KRT82: variants seen among roughly 807,000 people sequenced by gnomAD.
KRT82 encodes the protein keratin 82.
KRT82 carries 44 observed loss-of-function variants against 48.0 expected under a neutral mutation model. The observed-to-expected ratio is 0.92, with a 90% confidence interval of 0.72 to 1.18. The LOEUF (loss-of-function observed/expected upper bound fraction) is 1.18, where lower values mean the gene tolerates loss of function less well. KRT82 is among the 50% of genes most tolerant of loss of function. KRT82 has a pLI of 0.00. For missense variants in KRT82, 701 were observed against 671.4 expected (o/e 1.04, Z -0.49); for synonymous variants, 297 against 278.3 (o/e 1.07, Z -0.67).
chr12:52,400,650 C>T, intron 3 of KRT82, 28 bp from the exon 4 acceptor site: 1 of 1,545,698 alleles, frequency 6.5e-7, no homozygotes, highest in Non-Finnish European at 8.9e-7. Flanking sequence ...CAGAATGTGA[C>T]CTGGCTGGGC....
intron 4 of KRT82, 58 bp from the exon 5 acceptor site, chr12:52,400,207 A>G: frequency 6.4e-7 from 1 of 1,553,298 alleles, no homozygotes; most frequent in Non-Finnish European, 8.8e-7. Context: ...GGGACAGGAG[A>G]AGGGGAGAAC....
At position 52,396,076 on chromosome 12, in the gene KRT82, A is replaced by C; in HGVS notation, c.1225T>G (p.Ser409Ala). Residue 409 changes from serine to alanine, a missense_variant, in exon 7 of 9, where the codon TCC (serine) becomes GCC (alanine). By Grantham distance (99) the Ser-to-Ala change is moderately conservative. Transcript: ENST00000257974. ...ATCTCGATGTCCAGGCCCAGCTTGG[A>C]GTTCATCACCTCCTGATATTCCTTG... is the stretch of plus-strand genomic sequence containing the variant. Reference protein sequence around the residue: ...LLKEYQEVMNSKLGLDIEIAT... With the variant: ...LLKEYQEVMNAKLGLDIEIAT... The C allele has an allele frequency of 1.2e-6, 2 of 1,614,068 alleles. No homozygotes were observed. Among genetic ancestry groups the C allele is most frequent in the African/African-American group, 2.7e-5 (2 of 74,990 alleles).
chr12:52,406,251 G>T lies in KRT82; in HGVS notation c.27C>A (p.Gly9=). The part of the protein sequence containing the change: MSYHSFQP[G]SRCGSQSFSS... ...TGAAACTCTGACTGCCACACCTGGA[G>T]CCTGGCTGGAAAGAGTGGTACGACA... The change falls in exon 1 of 9, where the codon GGC becomes GGA. Residue 9 remains glycine, a synonymous_variant. Coordinates refer to ENST00000257974, the MANE Select transcript of KRT82 (RefSeq NM_033033.4). 8 of 1,603,928 alleles carry T rather than the reference G, an allele frequency of 5.0e-6. No homozygotes were observed. The highest frequency in any genetic ancestry group is 6.8e-6 in the Non-Finnish European group (8 of 1,173,604).
chr12:52,395,924 G>T, intron 7 of KRT82, 88 bp downstream of exon 7: 1 of 1,567,462 alleles, frequency 6.4e-7, no homozygotes, highest in Non-Finnish European at 8.7e-7. Flanking sequence ...TAGGGGACGG[G>T]GTGAGAGATA....
At chr12:52,395,881 C>A in intron 7 of KRT82, 91 bp from the exon 8 acceptor site, 2 of 1,477,510 alleles carry the variant, frequency 1.4e-6, no homozygotes, top group Non-Finnish European at 9.2e-7. Context: ...CATTGTGGAC[C>A]ATGTGCTGCT....
rs1370011362 is a variant in KRT82, at chr12:52,395,762, T to C, written c.1318A>G (p.Ile440Val). Residue 440 changes from isoleucine to valine, a missense_variant, in exon 8 of 9, where the codon ATC becomes GTC. Ile to Val is a conservative substitution (Grantham distance 29, BLOSUM62 3). Coordinates refer to ENST00000257974, the MANE Select transcript of KRT82 (RefSeq NM_033033.4). ...RLCEGIGPVN[I>V]SVSSSKGAFL... ...GGGGCATGGCTCATCTACTTACAGA[T>C]ATTCACGGGCCCGATGCCTTCGCAC... is the stretch of plus-strand genomic sequence containing the variant. 2 of 1,555,980 alleles carry C rather than the reference T, an allele frequency of 1.3e-6. No individual in the cohort carries two copies. The highest frequency in any genetic ancestry group is 1.7e-6 in the Non-Finnish European group (2 of 1,155,818).
chr12:52,405,975 C>T lies in KRT82; in HGVS notation c.303G>A (p.Leu101=), dbSNP rs201964052. 6.8e-6 allele frequency: 11 copies of T among 1,614,252 alleles called. No individual in the cohort carries two copies. The African/African-American group carries it at 1.1e-4, about 16-fold the overall frequency. Residue 101 remains leucine (L), a synonymous_variant, in exon 1 of 9, where the codon CTG becomes CTA. Transcript: ENST00000257974. ...CITPVTINES[L]LVPLALEIDP... Reference sequence around the variant, plus strand: ...CTATCTCCAGTGCCAGTGGGACCAGCAGGCTCTCATTGATGGTGACAGGGG... The same window carrying T: ...CTATCTCCAGTGCCAGTGGGACCAGTAGGCTCTCATTGATGGTGACAGGGG...
In KRT82 at chr12:52,395,955, G is replaced by T. The variant is rs1939707126; in HGVS notation, c.1289+57C>A. On this transcript the variant is annotated intron_variant, in intron 7 of 8. Transcript: ENST00000257974. ...AGATACTAGCAGCCGCCACCAGAGG[G>T]CTGGGTAATGGCCATACCTGGTAGC... is the stretch of plus-strand genomic sequence containing the variant. 5 of 1,605,140 alleles carry T rather than the reference G, an allele frequency of 3.1e-6. No individual in the cohort carries two copies. In the South Asian group the frequency reaches 4.4e-5, roughly 14 times the overall value.
At chr12:52,404,731 G>A (rs556658121) in intron 1 of KRT82, among the ~76,000 whole-genome samples, 3 of 152,244 alleles carry the variant, frequency 2.0e-5, no homozygotes, top group Admixed American at 2.0e-4. Context: ...TTGCTAATTC[G>A]GGCCCATGTT....
intron 5 of KRT82, among the ~76,000 whole-genome samples, chr12:52,398,501 A>G (rs912438977): frequency 6.7e-6 from 1 of 149,974 alleles, no homozygotes. Flanking sequence ...TTTTTTTAGA[A>G]TTTCTGATCC....
chr12:52,396,513 A>G (rs1163223685), intron 6 of KRT82, among the ~76,000 whole-genome samples: 3 of 152,122 alleles, frequency 2.0e-5, no homozygotes, highest in African/African-American at 7.2e-5. Context: ...AGGAGAATGG[A>G]GTGGGTCTGA....
At chr12:52,398,097 A>T (rs1939738259) in intron 5 of KRT82, among the ~76,000 whole-genome samples, 1 of 152,106 alleles carries the variant, frequency 6.6e-6, no homozygotes, top group Admixed American at 6.6e-5. Context: ...AACAGAAAAA[A>T]CCCAGAACCA....
chr12:52,400,135 G>A lies in KRT82; in HGVS notation c.792C>T (p.Leu264=). 1 of 1,613,616 alleles carries A rather than the reference G, an allele frequency of 6.2e-7. No homozygotes were observed. Residue 264 remains leucine, a synonymous_variant, in exon 5 of 9, where the codon CTC becomes CTT. Transcript: ENST00000257974. ...KSLYEEEICL[L]QSQISETSVI... ...CCGAGGTCTCAGAGATCTGAGACTG[G>A]AGCAGGCAGATCTCCTGGGGGCAGG...
intron 8 of KRT82, 142 bp from the exon 9 acceptor site, chr12:52,395,337 G>C: frequency 1.5e-6 from 1 of 679,790 alleles, no homozygotes; most frequent in Non-Finnish European, 2.5e-6. Flanking sequence ...CAGCCTCCGC[G>C]TCTCCCACCC....
intron 6 of KRT82, 81 bp from the exon 7 acceptor site, chr12:52,396,313 G>C (rs1939714901): frequency 9.9e-6 from 13 of 1,316,632 alleles, no homozygotes; most frequent in Middle Eastern, 2.0e-4. Context: ...GAGAACACGG[G>C]GGTGGCTACG....
In KRT82 at chr12:52,401,367, A is replaced by G. The variant is rs754812127; in HGVS notation, c.621-18T>C. The G allele has an allele frequency of 9.3e-6, 15 of 1,612,660 alleles. No homozygotes were observed. The highest frequency in any genetic ancestry group is 1.2e-5 in the Non-Finnish European group (14 of 1,178,778). ...CTTCGTATCTGATGGAAAAGGCAGG[A>G]AAAAATGCTTTAGTCGGGCTTGTGG... On this transcript the variant is annotated intron_variant, in intron 2 of 8. Transcript: ENST00000257974.
At chr12:52,400,198 G>C in intron 4 of KRT82, 49 bp from the exon 5 acceptor site, 2 of 1,574,144 alleles carry the variant, frequency 1.3e-6, no homozygotes, top group Non-Finnish European at 1.7e-6. Flanking sequence ...GAGCGTCCGG[G>C]GACAGGAGAA....
chr12:52,397,628 G>T (rs1044395672), intron 5 of KRT82, among the ~76,000 whole-genome samples: 1 of 152,210 alleles, frequency 6.6e-6, no homozygotes, highest in African/African-American at 2.4e-5. Context: ...GTGAGTGGGA[G>T]CATATTATAT....
chr12:52,394,045 G>A lies in KRT82; in HGVS notation c.*930C>T, dbSNP rs1214928698. 1 of 152,210 alleles carries A rather than the reference G, an allele frequency of 6.6e-6. No individual in the cohort carries two copies. The highest frequency in any genetic ancestry group is 1.9e-4 in the East Asian group (1 of 5,190). The allele number at this position is 152,210 out of a possible 1,614,324, so 9.4% of individuals were successfully genotyped here. On this transcript the variant is annotated 3_prime_UTR_variant, in exon 9 of 9. Coordinates refer to ENST00000257974, the MANE Select transcript of KRT82 (RefSeq NM_033033.4). ...CAGGCTTGGCATGAGGGGCTTCTGG[G>A]AGGTAGTCAGCCCACACCTCCTCCA...
Sources: allele counts gnomAD v4.1 joint callset (sites outside exome capture counted in the v4.1 genomes callset), GRCh38; gene constraint gnomAD v4.1.1; transcripts MANE v1.5; gene names NCBI Gene and HGNC (gene_info 2026-07-23, HGNC 2026-07-21).